The following BMPR1A variants were observed in gnomAD, a reference collection of about 807,000 sequenced individuals.
BMPR1A encodes the protein bone morphogenetic protein receptor type-1A.
A neutral mutation model predicts 66.0 loss-of-function variants in BMPR1A; 7 were observed. The ratio of observed to expected loss-of-function variants is 0.11; its 90% confidence interval spans 0.06 to 0.20. The LOEUF is 0.20. Ranked by LOEUF, BMPR1A falls within the 10% of genes least tolerant of loss-of-function variation. BMPR1A has a pLI of 1.00. For synonymous variants in BMPR1A, 200 were observed against 229.7 expected (o/e 0.87, Z 1.17); for missense variants, 408 against 669.1 (o/e 0.61, Z 4.31).
At chr10:86,773,496 G>T (rs1841297891) in intron 1 of BMPR1A, among the ~76,000 whole-genome samples, 1 of 151,438 alleles carries the variant, frequency 6.6e-6, no homozygotes, top group African/African-American at 2.4e-5. Context: ...GGGAAGCTGA[G>T]GCAAGAGAAT....
In BMPR1A at chr10:86,890,179, A is replaced by G. The variant is rs1060503402; in HGVS notation, c.185A>G (p.Tyr62Cys). The G allele has an allele frequency of 6.2e-7, 1 of 1,614,166 alleles. No homozygotes were observed. The highest frequency in any genetic ancestry group is 8.5e-7 in the Non-Finnish European group (1 of 1,180,004). The change falls in exon 4 of 13, where the codon TAT becomes TGT. Residue 62 changes from tyrosine (Y) to cysteine (C), a missense_variant. By Grantham distance (194) the Tyr-to-Cys change is radical. Transcript: ENST00000372037. The part of the protein sequence containing the change: ...PEDTLPFLKC[Y>C]CSGHCPDDAI... ...GATACCTTGCCTTTTTTAAAGTGCT[A>G]TTGCTCAGGGCACTGTCCAGATGAT...
chr10:86,909,136 C>T (rs1843439815), intron 7 of BMPR1A, among the ~76,000 whole-genome samples: 1 of 152,112 alleles, frequency 6.6e-6, no homozygotes, highest in Admixed American at 6.5e-5. Flanking sequence ...TTGAGCTAAA[C>T]AAATAATATA....
intron 1 of BMPR1A, among the ~76,000 whole-genome samples, chr10:86,790,442 C>G (rs1841599190): frequency 6.6e-6 from 1 of 151,574 alleles, no homozygotes; most frequent in Non-Finnish European, 1.5e-5. Flanking sequence ...CCAGCAGTTC[C>G]ACTCCTAGAT....
chr10:86,780,969 C>T (rs1841428349), intron 1 of BMPR1A, among the ~76,000 whole-genome samples: 1 of 152,124 alleles, frequency 6.6e-6, no homozygotes, highest in South Asian at 2.1e-4. Context: ...TCCCACAGTG[C>T]TGGGATTACA....
downstream of BMPR1A, chr10:86,931,298 C>CACACACATATATATATATATAT: frequency 3.0e-3 from 276 of 90,606 alleles, 1 homozygote; most frequent in Non-Finnish European, 3.8e-3. Flanking sequence ...CACACACACA[C>CACACACATATATATATATATAT]ATATATATAT....
intron 1 of BMPR1A, among the ~76,000 whole-genome samples, chr10:86,791,505 C>T (rs1338880388): frequency 6.6e-6 from 1 of 152,036 alleles, no homozygotes; most frequent in African/African-American, 2.4e-5. Flanking sequence ...AGCCACCGCA[C>T]CCAGCCCTCA....
chr10:86,757,650 C>G (rs1216383092), intron 1 of BMPR1A, among the ~76,000 whole-genome samples: 1 of 152,206 alleles, frequency 6.6e-6, no homozygotes, highest in Non-Finnish European at 1.5e-5. Flanking sequence ...TTAATTTGGT[C>G]AAACTCCTGC....
At chr10:86,764,742 A>G (rs989349786) in intron 1 of BMPR1A, among the ~76,000 whole-genome samples, 4 of 152,236 alleles carry the variant, frequency 2.6e-5, no homozygotes, top group African/African-American at 9.6e-5. Flanking sequence ...TCTACTGTCC[A>G]CTACAATAGA....
intron 1 of BMPR1A, among the ~76,000 whole-genome samples, chr10:86,834,033 C>G (rs1466888610): frequency 6.6e-6 from 1 of 152,130 alleles, no homozygotes; most frequent in Non-Finnish European, 1.5e-5. Flanking sequence ...CCCAGAATTG[C>G]ATGCAAAAAG....
chr10:86,869,362 CAGG>C (rs1423897931), intron 2 of BMPR1A, among the ~76,000 whole-genome samples: 4 of 149,856 alleles, frequency 2.7e-5, no homozygotes, highest in Non-Finnish European at 5.9e-5. Flanking sequence ...GAGGCTGAAG[CAGG>C]AGAATTGCTT....
At chr10:86,887,398 C>CT (rs372588915) in intron 3 of BMPR1A, among the ~76,000 whole-genome samples, 20 of 152,200 alleles carry the variant, frequency 1.3e-4, no homozygotes, top group African/African-American at 4.6e-4. Flanking sequence ...TTTCATATAA[C>CT]TTTGAGTTTT....
At chr10:86,793,720 A>G (rs1047018521) in intron 1 of BMPR1A, among the ~76,000 whole-genome samples, 12 of 151,940 alleles carry the variant, frequency 7.9e-5, no homozygotes, top group Non-Finnish European at 1.5e-4. Flanking sequence ...TTCTGTTGTT[A>G]CTGTAACAAA....
At chr10:86,857,764 A>C (rs1842661142) in intron 2 of BMPR1A, among the ~76,000 whole-genome samples, 1 of 151,886 alleles carries the variant, frequency 6.6e-6, no homozygotes, top group Admixed American at 6.6e-5. Flanking sequence ...AAAAAAAAAA[A>C]AAACAAGGAG....
intron 5 of BMPR1A, among the ~76,000 whole-genome samples, chr10:86,894,732 TG>T (rs1843201057): frequency 6.6e-6 from 1 of 152,250 alleles, no homozygotes; most frequent in Admixed American, 6.5e-5. Context: ...ATGAGATACA[TG>T]TAAATAGTTT....
chr10:86,878,260 T>C (rs1441344270), intron 3 of BMPR1A, among the ~76,000 whole-genome samples: 6 of 152,218 alleles, frequency 3.9e-5, no homozygotes, highest in Admixed American at 6.5e-5. Context: ...ATCCTAGATA[T>C]AAACAAGAAT....
chr10:86,780,287 T>C (rs1346213109), intron 1 of BMPR1A, among the ~76,000 whole-genome samples: 1 of 152,254 alleles, frequency 6.6e-6, no homozygotes, highest in African/African-American at 2.4e-5. Context: ...GTTCTTTTGC[T>C]GTGCAGTAGC....
intron 11 of BMPR1A, among the ~76,000 whole-genome samples, chr10:86,922,965 G>A (rs1843688794): frequency 6.6e-6 from 1 of 152,266 alleles, no homozygotes; most frequent in Admixed American, 6.5e-5. Context: ...AAGGTCTCAG[G>A]CCTGCTGTGT....
intron 1 of BMPR1A, among the ~76,000 whole-genome samples, chr10:86,821,629 C>CT (rs1350539865): frequency 1.1e-4 from 16 of 152,216 alleles, no homozygotes; most frequent in South Asian, 6.2e-4. Context: ...TTCCAAAAAA[C>CT]TTTATGCTAT....
chr10:86,833,208 A>G (rs962984978), intron 1 of BMPR1A, among the ~76,000 whole-genome samples: 2 of 152,162 alleles, frequency 1.3e-5, no homozygotes, highest in African/African-American at 2.4e-5. Flanking sequence ...GCTTCTCCAG[A>G]TGCTCGACAC....
Sources: allele counts gnomAD v4.1 joint callset (sites outside exome capture counted in the v4.1 genomes callset), GRCh38; gene constraint gnomAD v4.1.1; transcripts MANE v1.5; gene names NCBI Gene and HGNC (gene_info 2026-07-23, HGNC 2026-07-21).